Variants in AFG2A observed in about 807,000 individuals in gnomAD.
AFG2A encodes ATPase family gene 2 protein homolog A.
chr4:123,282,871 A>G, the AFG2A span, among the ~76,000 whole-genome samples: 1 of 151,922 alleles, frequency 6.6e-6, no homozygotes, highest in Non-Finnish European at 1.5e-5. Context: ...TGTTTCTTGT[A>G]TCAAGCCTAT....
the AFG2A span, chr4:122,979,442 A>G: frequency 1.5e-4 from 227 of 1,559,618 alleles, no homozygotes; most frequent in African/African-American, 2.7e-3. Context: ...TCTGAAAAAA[A>G]TTTAGAGTTC....
the AFG2A span, among the ~76,000 whole-genome samples, chr4:123,063,372 C>T: frequency 2.0e-5 from 3 of 152,108 alleles, no homozygotes; most frequent in African/African-American, 7.2e-5. Context: ...TGATTTAATT[C>T]GTCCAAAGCT....
chr4:123,198,907 C>A, the AFG2A span, among the ~76,000 whole-genome samples: 1 of 152,128 alleles, frequency 6.6e-6, no homozygotes, highest in African/African-American at 2.4e-5. Flanking sequence ...AACTTGAATT[C>A]TGGAGCTTCT....
chr4:123,029,890 A>G, the AFG2A span, among the ~76,000 whole-genome samples: 1 of 151,704 alleles, frequency 6.6e-6, no homozygotes, highest in African/African-American at 2.4e-5. Flanking sequence ...CTCCCACCTT[A>G]CCCTCCCAAA....
At chr4:123,287,688 G>C in the AFG2A span, among the ~76,000 whole-genome samples, 1 of 151,978 alleles carries the variant, frequency 6.6e-6, no homozygotes, top group South Asian at 2.1e-4. Context: ...TCTAATATTA[G>C]CAACGAAAAT....
the AFG2A span, among the ~76,000 whole-genome samples, chr4:123,313,646 G>GAA: frequency 1.3e-5 from 2 of 152,134 alleles, no homozygotes; most frequent in Non-Finnish European, 2.9e-5. Context: ...GATATCTTTT[G>GAA]GCACTCCTGG....
chr4:123,253,502 T>A, the AFG2A span, among the ~76,000 whole-genome samples: 1 of 134,118 alleles, frequency 7.5e-6, no homozygotes, highest in Non-Finnish European at 1.6e-5. Flanking sequence ...AAAAAAAAAA[T>A]AGCTGGGCAT....
At chr4:123,053,675 A>G in the AFG2A span, among the ~76,000 whole-genome samples, 1 of 151,786 alleles carries the variant, frequency 6.6e-6, no homozygotes, top group Non-Finnish European at 1.5e-5. Context: ...GCAGGTCCGT[A>G]CATAGATGGG....
the AFG2A span, among the ~76,000 whole-genome samples, chr4:123,199,188 T>C: frequency 6.6e-6 from 1 of 152,100 alleles, no homozygotes; most frequent in African/African-American, 2.4e-5. Context: ...AGTAAATAGA[T>C]GATATAGATA....
the AFG2A span, among the ~76,000 whole-genome samples, chr4:123,289,105 AC>A: frequency 1.3e-5 from 2 of 152,112 alleles, no homozygotes; most frequent in Admixed American, 6.5e-5. Flanking sequence ...CTTTTAGTAT[AC>A]CCATCACCCA....
the AFG2A span, among the ~76,000 whole-genome samples, chr4:123,099,158 C>T: frequency 6.6e-6 from 1 of 151,894 alleles, no homozygotes; most frequent in Non-Finnish European, 1.5e-5. Context: ...ATTTGTATGT[C>T]TTCTGAGAAA....
chr4:123,044,258 C>T, the AFG2A span, among the ~76,000 whole-genome samples: 1 of 152,152 alleles, frequency 6.6e-6, no homozygotes, highest in Non-Finnish European at 1.5e-5. Flanking sequence ...ATTGCGGTGG[C>T]TCTGGTGGTG....
the AFG2A span, among the ~76,000 whole-genome samples, chr4:123,032,101 G>C: frequency 6.6e-6 from 1 of 152,228 alleles, no homozygotes; most frequent in Non-Finnish European, 1.5e-5. Context: ...TGCAAGAAAT[G>C]TGGTTAGGTC....
the AFG2A span, among the ~76,000 whole-genome samples, chr4:123,267,901 C>T: frequency 6.6e-6 from 1 of 151,998 alleles, no homozygotes; most frequent in Non-Finnish European, 1.5e-5. Context: ...AATCAGTTGA[C>T]TCACTATCTG....
chr4:123,214,934 T>C, the AFG2A span, among the ~76,000 whole-genome samples: 1 of 152,074 alleles, frequency 6.6e-6, no homozygotes, highest in Non-Finnish European at 1.5e-5. Flanking sequence ...AGGCTATTAG[T>C]AGTTAAATTT....
chr4:123,146,782 A>G, the AFG2A span, among the ~76,000 whole-genome samples: 1 of 85,464 alleles, frequency 1.2e-5, no homozygotes, highest in Non-Finnish European at 3.2e-5. Context: ...GTGGATGCCA[A>G]ACCTCTCATT....
chr4:123,144,822 T>C, the AFG2A span, among the ~76,000 whole-genome samples: 6 of 152,130 alleles, frequency 3.9e-5, no homozygotes, highest in Non-Finnish European at 8.8e-5. Context: ...TTGGTCATAC[T>C]AGTTTATGAA....
At chr4:123,145,679 T>C in the AFG2A span, among the ~76,000 whole-genome samples, 1 of 152,068 alleles carries the variant, frequency 6.6e-6, no homozygotes, top group Non-Finnish European at 1.5e-5. Context: ...TTAGTATCAT[T>C]CCTTGAGAAT....
At chr4:123,029,169 C>T in the AFG2A span, among the ~76,000 whole-genome samples, 1 of 152,152 alleles carries the variant, frequency 6.6e-6, no homozygotes, top group East Asian at 1.9e-4. Context: ...GTGATCTTGG[C>T]TCACTGCAAG....
Sources: gnomAD v4.1 joint callset for allele counts (sites outside exome capture counted in the v4.1 genomes callset) on GRCh38, gnomAD v4.1.1 for gene constraint, MANE v1.5 for transcripts, NCBI Gene and HGNC (gene_info 2026-07-23, HGNC 2026-07-21) for gene names.